SYT9: variants seen among roughly 807,000 people sequenced by gnomAD.
SYT9 encodes the protein synaptotagmin-9.
In SYT9, 22 loss-of-function variants were observed where a neutral mutation model predicts 48.4. That is an observed-to-expected ratio of 0.45 (90% CI 0.32 to 0.65). SYT9 has a LOEUF of 0.65. Among genes scored for constraint, SYT9 ranks in the 30% least tolerant of loss-of-function variants. The pLI is 0.03. For synonymous variants in SYT9, 265 were observed against 245.0 expected (o/e 1.08, Z -0.76); for missense variants, 577 against 622.0 (o/e 0.93, Z 0.77).
intron 3 of SYT9, among the ~76,000 whole-genome samples, chr11:7,384,377 A>G (rs994448375): frequency 2.6e-5 from 4 of 152,080 alleles, no homozygotes; most frequent in African/African-American, 9.7e-5. Context: ...TGAGTTCTTG[A>G]TCTCTCCCAT....
At chr11:7,447,393 C>T (rs1410842953) in intron 6 of SYT9, among the ~76,000 whole-genome samples, 1 of 152,208 alleles carries the variant, frequency 6.6e-6, no homozygotes, top group Non-Finnish European at 1.5e-5. Flanking sequence ...ACATTTTATG[C>T]CCCGGCCCCA....
rs1352735127 is a variant in SYT9, at chr11:7,282,222, A to G, written c.146-20817A>G. On this transcript the variant is annotated intron_variant, in intron 1 of 6. Transcript: ENST00000318881. ...ATAATGTAATAAAATTTTACTTTAT[A>G]AAATGAAAATAAGCAACATTCTTTC... Among the ~76,000 whole-genome samples the G allele has an allele frequency of 3.9e-5, 6 of 152,254 alleles. 1 individual carries two copies. The highest frequency in any genetic ancestry group is 3.9e-4 in the Admixed American group (6 of 15,288).
At chr11:7,313,053 T>C (rs1179991576) in intron 2 of SYT9, among the ~76,000 whole-genome samples, 1 of 152,234 alleles carries the variant, frequency 6.6e-6, no homozygotes, top group African/African-American at 2.4e-5. Context: ...AATTTTATTT[T>C]TAAAGCAGTT....
At chr11:7,368,389 T>G (rs1393286149) in intron 3 of SYT9, among the ~76,000 whole-genome samples, 1 of 152,330 alleles carries the variant, frequency 6.6e-6, no homozygotes, top group African/African-American at 2.4e-5. Flanking sequence ...GGGATACATG[T>G]GCAGAATGTG....
chr11:7,374,233 C>T (rs1393324715), intron 3 of SYT9, among the ~76,000 whole-genome samples: 1 of 152,108 alleles, frequency 6.6e-6, no homozygotes, highest in Non-Finnish European at 1.5e-5. Flanking sequence ...CATCCCTGTC[C>T]CTGCAAAGGA....
At chr11:7,436,701 A>G (rs1847717756) in intron 6 of SYT9, among the ~76,000 whole-genome samples, 1 of 152,254 alleles carries the variant, frequency 6.6e-6, no homozygotes, top group Non-Finnish European at 1.5e-5. Flanking sequence ...TCTAAAACAG[A>G]TAAATGCAAG....
intron 1 of SYT9, among the ~76,000 whole-genome samples, chr11:7,240,906 C>T (rs2119713806): frequency 6.6e-6 from 1 of 152,170 alleles, no homozygotes; most frequent in Non-Finnish European, 1.5e-5. Flanking sequence ...TTTCAATACA[C>T]CACACCCTCA....
intron 1 of SYT9, among the ~76,000 whole-genome samples, chr11:7,276,319 T>C (rs868607245): frequency 1.5e-4 from 23 of 152,344 alleles, no homozygotes; most frequent in Middle Eastern, 6.8e-3. Context: ...TCTTCTGTCT[T>C]ATTGCACCTC....
intron 6 of SYT9, among the ~76,000 whole-genome samples, chr11:7,448,432 A>G (rs1847978691): frequency 6.6e-6 from 1 of 152,266 alleles, no homozygotes; most frequent in Non-Finnish European, 1.5e-5. Context: ...TCAGGGCTCC[A>G]AATCCCTGCT....
intron 3 of SYT9, among the ~76,000 whole-genome samples, chr11:7,401,798 T>G (rs1846898595): frequency 6.6e-6 from 1 of 151,834 alleles, no homozygotes; most frequent in Non-Finnish European, 1.5e-5. Context: ...GTCACTAGGA[T>G]GTTGTTTTTA....
At chr11:7,317,655 A>G (rs1849265623) in intron 3 of SYT9, among the ~76,000 whole-genome samples, 1 of 152,342 alleles carries the variant, frequency 6.6e-6, no homozygotes, top group African/African-American at 2.4e-5. Flanking sequence ...ATTGGGAGGG[A>G]CAAAAACATT....
intron 3 of SYT9, among the ~76,000 whole-genome samples, chr11:7,373,180 A>G (rs930742665): frequency 2.1e-4 from 31 of 150,484 alleles, no homozygotes; most frequent in East Asian, 3.9e-4. Flanking sequence ...GAATTGACCT[A>G]TAGTTTTGTT....
At chr11:7,290,621 A>G (rs150421187) in intron 1 of SYT9, among the ~76,000 whole-genome samples, 14 of 152,332 alleles carry the variant, frequency 9.2e-5, no homozygotes, top group African/African-American at 3.1e-4. Flanking sequence ...TTTTTAGTGG[A>G]GTAAGGAATA....
chr11:7,381,311 G>C (rs1046679489), intron 3 of SYT9, among the ~76,000 whole-genome samples: 42 of 152,108 alleles, frequency 2.8e-4, no homozygotes, highest in African/African-American at 9.7e-4. Flanking sequence ...GAATCTATTG[G>C]GACACAATGA....
At chr11:7,248,868 T>A (rs1448750513), upstream of SYT9, among the ~76,000 whole-genome samples, 1 of 152,100 alleles carries the variant, frequency 6.6e-6, no homozygotes, top group Non-Finnish European at 1.5e-5. Context: ...AGAGCCCACA[T>A]AGCCAAAGCA....
intron 3 of SYT9, among the ~76,000 whole-genome samples, chr11:7,394,835 T>C (rs1475521679): frequency 6.6e-6 from 1 of 152,156 alleles, no homozygotes; most frequent in South Asian, 2.1e-4. Context: ...ACTTTACTCT[T>C]AACACTGCTT....
chr11:7,350,053 C>A (rs1849882315), intron 3 of SYT9, among the ~76,000 whole-genome samples: 1 of 152,124 alleles, frequency 6.6e-6, no homozygotes, highest in Non-Finnish European at 1.5e-5. Flanking sequence ...ACCGAGGATG[C>A]CTCATGGGTC....
At chr11:7,385,369 T>C (rs11041340) in intron 3 of SYT9, among the ~76,000 whole-genome samples, 11,821 of 147,966 alleles carry the variant, frequency 0.08, 569 homozygotes, top group Middle Eastern at 0.17. Flanking sequence ...TGTGTGTGTG[T>C]GCGTGTGTGT....
intron 1 of SYT9, among the ~76,000 whole-genome samples, chr11:7,254,064 A>G (rs1334955378): frequency 2.0e-5 from 3 of 152,092 alleles, no homozygotes; most frequent in Admixed American, 1.3e-4. Context: ...CGGGAGCTGG[A>G]TCCTGTGTTC....
Sources: allele counts gnomAD v4.1 joint callset (sites outside exome capture counted in the v4.1 genomes callset), GRCh38; gene constraint gnomAD v4.1.1; transcripts MANE v1.5; gene names NCBI Gene and HGNC (gene_info 2026-07-23, HGNC 2026-07-21).